Variants in MGMT observed in about 807,000 individuals in gnomAD.
MGMT encodes O-6-methylguanine-DNA methyltransferase.
Under a neutral mutation model 15.9 loss-of-function variants are expected in MGMT, and 14 were observed. The observed-to-expected ratio is 0.88, with a 90% CI of 0.58 to 1.37. The LOEUF (loss-of-function observed/expected upper bound fraction) is 1.37. MGMT is among the 40% of genes most tolerant of loss of function. The probability of loss-of-function intolerance (pLI) is 0.00; values close to 1 mark genes in which losing one functional copy is unlikely to be tolerated. For missense variants in MGMT, 282 were observed against 268.1 expected (o/e 1.05, Z -0.36); for synonymous variants, 130 against 118.2 (o/e 1.10, Z -0.65).
intron 2 of MGMT, among the ~76,000 whole-genome samples, chr10:129,606,244 G>A (rs1049396400): frequency 6.6e-6 from 1 of 152,226 alleles, no homozygotes; most frequent in Non-Finnish European, 1.5e-5. Context: ...CACTTGAAAT[G>A]CTGACGTGAG....
intron 2 of MGMT, among the ~76,000 whole-genome samples, chr10:129,621,174 G>A (rs897741523): frequency 6.6e-6 from 1 of 152,052 alleles, no homozygotes; most frequent in Non-Finnish European, 1.5e-5. Context: ...TACCACACTG[G>A]GCAGGGTGAC....
intron 2 of MGMT, among the ~76,000 whole-genome samples, chr10:129,634,106 T>G (rs1456069534): frequency 2.0e-5 from 3 of 152,234 alleles, no homozygotes; most frequent in Admixed American, 6.5e-5. Context: ...GAAAGGTATT[T>G]TCACTGGGTG....
At chr10:129,664,045 A>T (rs983698660) in intron 2 of MGMT, among the ~76,000 whole-genome samples, 3 of 152,236 alleles carry the variant, frequency 2.0e-5, no homozygotes, top group African/African-American at 7.2e-5. Context: ...GGAAATATTG[A>T]TGCAGAAATC....
At chr10:129,734,300 G>A (rs1214181784) in intron 3 of MGMT, among the ~76,000 whole-genome samples, 9 of 138,378 alleles carry the variant, frequency 6.5e-5, no homozygotes, top group Non-Finnish European at 1.3e-4. Flanking sequence ...GGATTCCTAG[G>A]TATTTTATTC....
chr10:129,601,416 G>T (rs1255105709), intron 2 of MGMT, among the ~76,000 whole-genome samples: 1 of 152,156 alleles, frequency 6.6e-6, no homozygotes, highest in Non-Finnish European at 1.5e-5. Context: ...TTCTCCTTTG[G>T]CTTAAGGGGT....
chr10:129,495,591 CTT>C (rs1238330598), intron 1 of MGMT, among the ~76,000 whole-genome samples: 1 of 152,198 alleles, frequency 6.6e-6, no homozygotes, highest in Non-Finnish European at 1.5e-5. Flanking sequence ...ATTCTCATCT[CTT>C]TTGATAGGTC....
At chr10:129,729,221 G>A (rs575290783) in intron 3 of MGMT, among the ~76,000 whole-genome samples, 6 of 152,228 alleles carry the variant, frequency 3.9e-5, no homozygotes, top group South Asian at 2.1e-4. Flanking sequence ...GACAAACTTC[G>A]TGCCTCGTGT....
chr10:129,731,120 G>C (rs1848491399), intron 3 of MGMT, among the ~76,000 whole-genome samples: 1 of 152,164 alleles, frequency 6.6e-6, no homozygotes, highest in African/African-American at 2.4e-5. Flanking sequence ...CTGGCCTCCA[G>C]GTGAGCTCTG....
intron 2 of MGMT, among the ~76,000 whole-genome samples, chr10:129,635,770 A>G (rs938706714): frequency 1.3e-5 from 2 of 152,226 alleles, no homozygotes; most frequent in African/African-American, 4.8e-5. Context: ...ATAGACAGAC[A>G]TGTCTGTTAC....
At chr10:129,616,634 A>G (rs1223335087) in intron 2 of MGMT, among the ~76,000 whole-genome samples, 1 of 152,200 alleles carries the variant, frequency 6.6e-6, no homozygotes, top group Admixed American at 6.5e-5. Flanking sequence ...TTAACCAGGT[A>G]ACACTAAACC....
chr10:129,478,487 G>A (rs1413282689), intron 1 of MGMT, among the ~76,000 whole-genome samples: 1 of 152,294 alleles, frequency 6.6e-6, no homozygotes. Flanking sequence ...CTGATGGGGG[G>A]ACATAGAAAA....
At chr10:129,763,181 T>G (rs1222712673) in intron 4 of MGMT, among the ~76,000 whole-genome samples, 1 of 152,210 alleles carries the variant, frequency 6.6e-6, no homozygotes, top group Non-Finnish European at 1.5e-5. Context: ...CATGAAGATT[T>G]CAATGCAGCT....
chr10:129,676,854 G>A (rs371756251), intron 2 of MGMT, among the ~76,000 whole-genome samples: 5 of 152,094 alleles, frequency 3.3e-5, no homozygotes, highest in African/African-American at 1.2e-4. Context: ...ATAGCATAAA[G>A]CAGTAAATCA....
chr10:129,558,906 A>G (rs2119804933), intron 2 of MGMT, among the ~76,000 whole-genome samples: 1 of 152,198 alleles, frequency 6.6e-6, no homozygotes, highest in Admixed American at 6.5e-5. Flanking sequence ...TGCATCCCCG[A>G]CGCCGGGCTG....
intron 2 of MGMT, among the ~76,000 whole-genome samples, chr10:129,583,744 C>T (rs1447145108): frequency 6.6e-6 from 1 of 152,242 alleles, no homozygotes. Flanking sequence ...TCATGTCCTC[C>T]TCGTCTCTGT....
chr10:129,496,536 T>G (rs1421836457), intron 1 of MGMT, among the ~76,000 whole-genome samples: 5 of 152,134 alleles, frequency 3.3e-5, no homozygotes, highest in Non-Finnish European at 5.9e-5. Flanking sequence ...CTGGCAGCCG[T>G]CTCTAGCCAT....
rs539155850 is a variant in MGMT at position 129,685,205 on chromosome 10, TGTG to T, written c.126-22689_126-22687del. ...TGCCATATGTGTCAAATGTATGAATTGTGATGATGGACAAGAACACTTTCGCAG... is the reference window on the plus strand; with the variant it reads ...TGCCATATGTGTCAAATGTATGAATTATGATGGACAAGAACACTTTCGCAG... On this transcript the variant is annotated intron_variant, in intron 2 of 4. Transcript: ENST00000651593. 3.3e-4 allele frequency among the ~76,000 whole-genome samples: 51 copies of T among 152,338 alleles called. No individual in the cohort carries two copies. In the South Asian group the frequency reaches 8.1e-3, roughly 24 times the overall value.
chr10:129,486,413 T>C (rs1166422686), intron 1 of MGMT, among the ~76,000 whole-genome samples: 2 of 152,112 alleles, frequency 1.3e-5, no homozygotes, highest in Non-Finnish European at 2.9e-5. Context: ...ATTCTCGAAC[T>C]CTTGACCTCA....
Position 129,555,283 on chromosome 10 carries a change from C to T in MGMT, c.125+18906C>T, listed in dbSNP as rs975816410. ...GCCTGAGCCTGTCCAGCACTTTGAG[C>T]CCGCTCTGCCCGAGCGCTGTTCTCC... On this transcript the variant is annotated intron_variant, in intron 2 of 4. Transcript: ENST00000651593. Among the ~76,000 whole-genome samples, 11 of 152,190 alleles carry T rather than the reference C, an allele frequency of 7.2e-5. 1 individual carries two copies. The South Asian group carries it at 8.3e-4, about 11-fold the overall frequency.
Sources: gnomAD v4.1 joint callset for allele counts (sites outside exome capture counted in the v4.1 genomes callset) on GRCh38, gnomAD v4.1.1 for gene constraint, MANE v1.5 for transcripts, NCBI Gene and HGNC (gene_info 2026-07-23, HGNC 2026-07-21) for gene names.